Variants in PSD4 observed in about 807,000 individuals in gnomAD.
The protein encoded by PSD4 is PH and SEC7 domain-containing protein 4.
Under a neutral mutation model 112.5 loss-of-function variants are expected in PSD4, and 59 were observed. The ratio of observed to expected loss-of-function variants is 0.52; its 90% CI spans 0.43 to 0.65. The LOEUF is 0.65. PSD4 is among the 30% of genes least tolerant of loss of function. The probability of loss-of-function intolerance (pLI) is 0.00; values close to 1 mark genes in which losing one functional copy is unlikely to be tolerated. For missense variants in PSD4, 1,267 were observed against 1,352.6 expected, an observed-to-expected ratio of 0.94 and a Z score of 0.99; for synonymous variants, 533 against 540.0, an observed-to-expected ratio of 0.99 and a Z score of 0.18.
intron 2 of PSD4, among the ~76,000 whole-genome samples, chr2:113,184,401 C>T (rs1340729286): frequency 7.7e-6 from 1 of 130,344 alleles, no homozygotes; most frequent in African/African-American, 2.9e-5. Context: ...TTTTTTGAGA[C>T]GGAGTCTTGC....
intron 5 of PSD4, among the ~76,000 whole-genome samples, chr2:113,188,307 G>A (rs1055212727): frequency 3.9e-5 from 6 of 152,050 alleles, no homozygotes; most frequent in Admixed American, 3.3e-4. Flanking sequence ...GCAATGTTGC[G>A]ATCTTGGCTC....
In PSD4 at chr2:113,198,829, C is replaced by T; in HGVS notation, c.2714C>T (p.Ser905Phe). Residue 905 changes from serine (S) to phenylalanine (F), a missense_variant, in exon 15 of 17, where the codon TCC (serine) becomes TTC (phenylalanine). This residue lies in a region of PSD4 where 544 missense variants were observed against 648.6 expected (regional missense o/e 0.84). Coordinates refer to ENST00000245796, the MANE Select transcript of PSD4 (RefSeq NM_012455.3). ...CCGCCCTTCCCCGCCGCTGTGGGCTCCCAGCGCAGATTCGTGCGGCCCATC... is the reference window on the plus strand; with the variant it reads ...CCGCCCTTCCCCGCCGCTGTGGGCTTCCAGCGCAGATTCGTGCGGCCCATC... Reference protein sequence around the residue: ...SAPPFPAAVGSQRRFVRPILP... With the variant: ...SAPPFPAAVGFQRRFVRPILP... 1 of 1,598,314 alleles carries T rather than the reference C, an allele frequency of 6.3e-7. No homozygotes were observed. Among genetic ancestry groups the T allele is most frequent in the South Asian group, 1.1e-5 (1 of 90,844 alleles).
Position 113,186,233 on chromosome 2 carries a change from A to C in PSD4, c.1606A>C (p.Ile536Leu). 6.3e-7 allele frequency: 1 copy of C among 1,596,280 alleles called. No individual in the cohort carries two copies. Residue 536 changes from isoleucine to leucine, a missense_variant, in exon 5 of 17, where the codon ATT becomes CTT. This residue lies in a region of PSD4 where 723 missense variants were observed against 704.0 expected (regional missense o/e 1.03). Transcript: ENST00000245796. Reference protein sequence around the residue: ...PAETGDVQPDIHLTSAEHENL... With the variant: ...PAETGDVQPDLHLTSAEHENL... ...AGAGACTGGAGACGTCCAGCCTGAC[A>C]TTCACCTGACTTCTGCAGAACAGTA...
In PSD4 at chr2:113,194,770, T is replaced by C. The variant is rs561257689; in HGVS notation, c.2181+822T>C. Among the ~76,000 whole-genome samples, 23 of 152,332 alleles carry C rather than the reference T, an allele frequency of 1.5e-4. No homozygotes were observed. The South Asian group carries it at 3.3e-3, about 22-fold the overall frequency. On this transcript the variant is annotated intron_variant, in intron 10 of 16. Coordinates refer to ENST00000245796, the MANE Select transcript of PSD4 (RefSeq NM_012455.3). ...AACACATGATAGAAAAGATTAAAAA[T>C]GATACATCTGTATAGGACAGCTCCA...
At position 113,186,124 on chromosome 2, in the gene PSD4, G is replaced by A. The variant is rs1397558911; in HGVS notation, c.1497G>A (p.Gln499=). ...CACTCTTGGAGACGGATGGGGAACA[G>A]CCAAGTTCCTTGAAGAAAAAGGAGG... ...QSSLLETDGE[Q]PSSLKKKEAG... Residue 499 remains glutamine, a synonymous_variant, in exon 5 of 17, where the codon CAG becomes CAA. Transcript: ENST00000245796. The A allele has an allele frequency of 1.2e-6, 2 of 1,614,230 alleles. No homozygotes were observed. Among genetic ancestry groups the A allele is most frequent in the Non-Finnish European group, 1.7e-6 (2 of 1,180,054 alleles).
chr2:113,191,550 G>A (rs971436962), intron 5 of PSD4, among the ~76,000 whole-genome samples: 1 of 152,210 alleles, frequency 6.6e-6, no homozygotes, highest in African/African-American at 2.4e-5. Flanking sequence ...AGGATTACAG[G>A]CTGAGTACTG....
At position 113,198,939 on chromosome 2, in the gene PSD4, G is replaced by A. The variant is rs1558658612; in HGVS notation, c.2769+55G>A. 5 of 1,537,330 alleles carry A rather than the reference G, an allele frequency of 3.3e-6. No individual in the cohort carries two copies. The South Asian group carries it at 5.9e-5, about 18-fold the overall frequency. ...GCGGAACTGGGAATGTGCACCTGGA[G>A]CCCCAGGACTAACTCGGGGAGGCTG... On this transcript the variant is annotated intron_variant, in intron 15 of 16. Transcript: ENST00000245796.
rs141074516 is a variant in PSD4 at position 113,183,310 on chromosome 2, C to T, written c.854C>T (p.Ala285Val). ...AGVRTGPESP[A>V]TLEPPLPEDT... ...GTGAGGACTGGACCTGAGAGCCCAG[C>T]GACTCTGGAGCCTCCCCTCCCAGAA... The change falls in exon 2 of 17, where the codon GCG becomes GTG. Residue 285 changes from alanine to valine, a missense_variant. Transcript: ENST00000245796. The T allele has an allele frequency of 1.6e-5, 25 of 1,610,110 alleles. No individual in the cohort carries two copies. The highest frequency in any genetic ancestry group is 5.0e-5 in the Admixed American group (3 of 59,622).
intron 5 of PSD4, among the ~76,000 whole-genome samples, chr2:113,186,613 C>A (rs1573361375): frequency 6.6e-6 from 1 of 152,206 alleles, no homozygotes; most frequent in East Asian, 1.9e-4. Context: ...TGCTGGCAGG[C>A]CAGGGAAGTG....
At chr2:113,199,007 G>T in intron 15 of PSD4, 76 bp from the exon 16 acceptor site, 1 of 1,512,222 alleles carries the variant, frequency 6.6e-7, no homozygotes, top group Non-Finnish European at 8.8e-7. Flanking sequence ...GGCGGCCAGG[G>T]GGGCGGCGCG....
In PSD4 at chr2:113,197,891, C is replaced by A; in HGVS notation, c.2602C>A (p.Arg868Ser). The A allele has an allele frequency of 6.3e-7, 1 of 1,593,112 alleles. No homozygotes were observed. The highest frequency in any genetic ancestry group is 8.6e-7 in the Non-Finnish European group (1 of 1,166,072). Residue 868 changes from arginine to serine, a missense_variant, in exon 14 of 17, where the codon CGC becomes AGC. Coordinates refer to ENST00000245796, the MANE Select transcript of PSD4 (RefSeq NM_012455.3). The stretch of plus-strand genomic sequence containing the variant: ...CTTCCAGCTGCGCACGGCTGACTGG[C>A]GCCTCTACCTCTTCCAGGCACCGTA... ...HVFQLRTADWRLYLFQAPTAK... is the reference protein window; with the variant it reads ...HVFQLRTADWSLYLFQAPTAK...
chr2:113,179,803 G>C (rs45627232), intron 1 of PSD4, among the ~76,000 whole-genome samples: 1 of 152,084 alleles, frequency 6.6e-6, no homozygotes, highest in Non-Finnish European at 1.5e-5. Context: ...CTCTCCTCTC[G>C]GAAAGTCAGC....
intron 15 of PSD4, 59 bp downstream of exon 15, chr2:113,198,943 C>T (rs1320079298): frequency 1.3e-6 from 2 of 1,536,326 alleles, no homozygotes; most frequent in Admixed American, 3.9e-5. Flanking sequence ...CCTGGAGCCC[C>T]AGGACTAACT....
rs1475811191 is a variant in PSD4 at position 113,195,703 on chromosome 2, C to T, written c.2182-24C>T. Reference sequence around the variant, plus strand: ...GCTCCACAGCCCTGAGGCTCCCCTGCCCACCTGTGTGCTTCTGTTCCAGGC... The same window carrying T: ...GCTCCACAGCCCTGAGGCTCCCCTGTCCACCTGTGTGCTTCTGTTCCAGGC... On this transcript the variant is annotated intron_variant, in intron 10 of 16. Transcript: ENST00000245796. 1.9e-6 allele frequency: 3 copies of T among 1,613,966 alleles called. No homozygotes were observed. The African/African-American group carries it at 4.0e-5, about 22-fold the overall frequency.
Position 113,199,179 on chromosome 2 carries a change from C to T in PSD4, c.2866C>T (p.Arg956Cys), listed in dbSNP as rs1020499962. The T allele has an allele frequency of 1.3e-6, 2 of 1,523,962 alleles. No individual in the cohort carries two copies. Among genetic ancestry groups the T allele is most frequent in the Non-Finnish European group, 1.8e-6 (2 of 1,138,628 alleles). 94.4% of individuals were successfully genotyped at this position (1,523,962 alleles called of 1,614,324 possible). A position where few individuals can be genotyped will look rare whatever the true frequency, so the allele number is the denominator to read the frequency against. ...CCTGCCGGAGCGGCGGGGCCGTGGC[C>T]GCGAGCTGGAGGAGCACCGCCTGCG... ...RNLPERRGRG[R>C]ELEEHRLRKE... Residue 956 changes from arginine to cysteine, a missense_variant, in exon 16 of 17, where the codon CGC becomes TGC. This residue lies in a region of PSD4 where 544 missense variants were observed against 648.6 expected (regional missense o/e 0.84). Transcript: ENST00000245796.
intron 14 of PSD4, 91 bp downstream of exon 14, chr2:113,198,004 C>A: frequency 7.4e-7 from 1 of 1,358,084 alleles, no homozygotes; most frequent in South Asian, 1.6e-5. Flanking sequence ...GCTTGTGGGC[C>A]CCAGGGGGTC....
chr2:113,179,803 G>A (rs45627232), intron 1 of PSD4, among the ~76,000 whole-genome samples: 5,905 of 152,194 alleles, frequency 0.039, 370 homozygotes, highest in African/African-American at 0.13. Flanking sequence ...CTCTCCTCTC[G>A]GAAAGTCAGC....
rs2104494932 is a variant in PSD4, at chr2:113,183,005, G to A, written c.549G>A (p.Gly183=). 6.2e-7 allele frequency: 1 copy of A among 1,614,078 alleles called. No homozygotes were observed. The change falls in exon 2 of 17, where the codon GGG becomes GGA. Residue 183 remains glycine (G), a synonymous_variant. Transcript: ENST00000245796. ...AGAAGACGGAAGGGCTCAAGGCTGG[G>A]CTGAAATGCTGTCTCCCCACGCCCC... The part of the protein sequence containing the change: ...ELEKTEGLKA[G]LKCCLPTPPV...
chr2:113,200,588 C>T (rs1457700352), intron 16 of PSD4, among the ~76,000 whole-genome samples: 3 of 152,192 alleles, frequency 2.0e-5, no homozygotes, highest in African/African-American at 4.8e-5. Flanking sequence ...GTCACCAGCC[C>T]TCCCTTCCGC....
Sources: allele counts gnomAD v4.1 joint callset (sites outside exome capture counted in the v4.1 genomes callset), GRCh38; gene constraint gnomAD v4.1.1; regional missense constraint gnomAD v4.1.1; transcripts MANE v1.5; gene names NCBI Gene and HGNC (gene_info 2026-07-23, HGNC 2026-07-21).